PCSK5: variants seen among roughly 807,000 people sequenced by gnomAD.
The protein encoded by PCSK5 is proprotein convertase subtilisin/kexin type 5.
PCSK5 carries 129 observed loss-of-function variants against 233.2 expected under a neutral mutation model. The observed-to-expected ratio is 0.55, with a 90% CI of 0.48 to 0.64. The LOEUF (loss-of-function observed/expected upper bound fraction) is 0.64, where lower values mean the gene tolerates loss of function less well. PCSK5 is among the 30% of genes least tolerant of loss of function. The pLI is 0.00. For missense variants in PCSK5, 2,076 were observed against 2,430.1 expected (o/e 0.85, Z 3.06); for synonymous variants, 825 against 879.2 (o/e 0.94, Z 1.09).
intron 20 of PCSK5, chr9:76,194,684 A>G: frequency 2.2e-6 from 1 of 449,622 alleles, no homozygotes; most frequent in Non-Finnish European, 4.6e-6. Flanking sequence ...CTGAATTATG[A>G]GGAAACTATT....
chr9:76,112,293 G>C (rs10120022), intron 9 of PCSK5, among the ~76,000 whole-genome samples: 29,744 of 151,998 alleles, frequency 0.2, 3,095 homozygotes, highest in African/African-American at 0.26. Flanking sequence ...AAAGAATCTC[G>C]TACAAATTCT....
chr9:75,932,589 G>C (rs1200377662), intron 2 of PCSK5, 106 bp downstream of exon 2: 3 of 714,246 alleles, frequency 4.2e-6, no homozygotes, highest in Non-Finnish European at 2.5e-6. Context: ...CAGATTTCTA[G>C]AACTGTCATA....
chr9:76,237,759 A>T (rs370394874), intron 22 of PCSK5, among the ~76,000 whole-genome samples: 2 of 152,330 alleles, frequency 1.3e-5, no homozygotes, highest in African/African-American at 4.8e-5. Flanking sequence ...TGGACAACAG[A>T]GTGAGACCCT....
intron 5 of PCSK5, among the ~76,000 whole-genome samples, chr9:76,062,355 A>C (rs996689569): frequency 2.0e-5 from 3 of 152,264 alleles, no homozygotes; most frequent in Non-Finnish European, 4.4e-5. Flanking sequence ...GACAGGGAAG[A>C]AATTAAGAAA....
At chr9:76,064,418 C>G (rs1830186687) in intron 5 of PCSK5, among the ~76,000 whole-genome samples, 1 of 134,086 alleles carries the variant, frequency 7.5e-6, no homozygotes, top group Admixed American at 7.0e-5. Context: ...GCTGACCCCC[C>G]CACCTCCCTC....
intron 5 of PCSK5, among the ~76,000 whole-genome samples, chr9:76,064,138 AC>A (rs59681372): frequency 7.8e-5 from 7 of 89,800 alleles, no homozygotes; most frequent in African/African-American, 1.5e-4. Flanking sequence ...CGGAGGGCTG[AC>A]CCCCCCACCT....
intron 7 of PCSK5, among the ~76,000 whole-genome samples, chr9:76,073,655 A>C (rs1830549960): frequency 6.6e-6 from 1 of 152,188 alleles, no homozygotes; most frequent in East Asian, 1.9e-4. Context: ...AATAAAGAGC[A>C]ATCTGGACTT....
chr9:76,041,387 G>A (rs887844683), intron 5 of PCSK5, among the ~76,000 whole-genome samples: 4 of 152,134 alleles, frequency 2.6e-5, no homozygotes, highest in African/African-American at 9.7e-5. Context: ...CCTGGTATTA[G>A]TGAGCTCCTT....
intron 20 of PCSK5, among the ~76,000 whole-genome samples, chr9:76,207,570 A>C (rs1433681125): frequency 6.6e-6 from 1 of 152,220 alleles, no homozygotes; most frequent in Non-Finnish European, 1.5e-5. Flanking sequence ...AGGGTATATA[A>C]GGATATAATA....
At chr9:76,086,804 C>G (rs1587608615) in intron 7 of PCSK5, among the ~76,000 whole-genome samples, 1 of 152,178 alleles carries the variant, frequency 6.6e-6, no homozygotes, top group East Asian at 1.9e-4. Context: ...TTCCTTAGTT[C>G]CCTTATGTAG....
intron 9 of PCSK5, among the ~76,000 whole-genome samples, chr9:76,114,192 G>T (rs1328875545): frequency 1.3e-5 from 2 of 152,036 alleles, no homozygotes; most frequent in Non-Finnish European, 2.9e-5. Flanking sequence ...CAAGGGAGGA[G>T]AGCTGAAAAG....
intron 3 of PCSK5, among the ~76,000 whole-genome samples, chr9:75,987,167 TC>T (rs1258396921): frequency 6.6e-6 from 1 of 152,118 alleles, no homozygotes; most frequent in Non-Finnish European, 1.5e-5. Flanking sequence ...CTTTCCTGGC[TC>T]CCTGCCTCCC....
intron 5 of PCSK5, among the ~76,000 whole-genome samples, chr9:76,060,831 G>A (rs1028934907): frequency 1.3e-5 from 2 of 151,962 alleles, no homozygotes; most frequent in African/African-American, 4.8e-5. Context: ...GCTGGTATAG[G>A]GAAAAAGGTT....
rs758916848 is a variant in PCSK5 at position 76,358,641 on chromosome 9, C to T, written c.5383C>T (p.Arg1795Cys). The change falls in exon 38 of 38, where the codon CGT (arginine) becomes TGT (cysteine). Residue 1795 changes from arginine (R) to cysteine (C), a missense_variant. By Grantham distance (180) the Arg-to-Cys change is radical. Coordinates refer to ENST00000674117, the MANE Select transcript of PCSK5 (RefSeq NM_001372043.1). ...GAAVVVWKKS[R>C]GRVQPAAKAG... The stretch of plus-strand genomic sequence containing the variant: ...AGCTGTGGTAGTGTGGAAGAAATCT[C>T]GTGGCCGAGTCCAGCCAGCAGCAAA... 73 of 1,612,684 alleles carry T rather than the reference C, an allele frequency of 4.5e-5. No individual in the cohort carries two copies. The highest frequency in any genetic ancestry group is 1.3e-4 in the East Asian group (6 of 44,884).
At chr9:76,051,993 T>C (rs931319441) in intron 5 of PCSK5, among the ~76,000 whole-genome samples, 5 of 152,138 alleles carry the variant, frequency 3.3e-5, no homozygotes, top group Non-Finnish European at 5.9e-5. Context: ...CAGACAGACA[T>C]GGGCAATCTT....
intron 5 of PCSK5, among the ~76,000 whole-genome samples, chr9:76,043,548 T>C (rs1829225553): frequency 6.6e-6 from 1 of 152,088 alleles, no homozygotes; most frequent in Non-Finnish European, 1.5e-5. Flanking sequence ...GTTTTTGTTT[T>C]TCTTTCAGAT....
intron 5 of PCSK5, among the ~76,000 whole-genome samples, chr9:76,043,675 G>A (rs1829233758): frequency 6.6e-6 from 1 of 152,114 alleles, no homozygotes; most frequent in South Asian, 2.1e-4. Flanking sequence ...TATAATTATT[G>A]ATTAATAAAA....
chr9:76,344,558 T>A (rs1829925980), intron 35 of PCSK5, among the ~76,000 whole-genome samples: 1 of 152,154 alleles, frequency 6.6e-6, no homozygotes, highest in African/African-American at 2.4e-5. Context: ...AGATAACAGA[T>A]GAGAAAATAC....
At chr9:75,929,223 G>T (rs146807687) in intron 1 of PCSK5, among the ~76,000 whole-genome samples, 3 of 152,114 alleles carry the variant, frequency 2.0e-5, no homozygotes, top group African/African-American at 7.2e-5. Flanking sequence ...GTGAGCCGCC[G>T]TGCACAGCTG....
Sources: allele counts gnomAD v4.1 joint callset (sites outside exome capture counted in the v4.1 genomes callset), GRCh38; gene constraint gnomAD v4.1.1; transcripts MANE v1.5; gene names NCBI Gene and HGNC (gene_info 2026-07-23, HGNC 2026-07-21).